The following TMEM132D variants were observed in gnomAD, a reference collection of about 807,000 sequenced individuals.
The protein encoded by TMEM132D is mature OL transmembrane protein.
TMEM132D carries 21 observed loss-of-function variants against 62.3 expected under a neutral mutation model. That is an observed-to-expected ratio of 0.34 (90% CI 0.24 to 0.49). The LOEUF (loss-of-function observed/expected upper bound fraction) is 0.49, where lower values mean the gene tolerates loss of function less well. Among genes scored for constraint, TMEM132D ranks in the 20% least tolerant of loss-of-function variants. The pLI is 0.99. For missense variants in TMEM132D, 1,346 were observed against 1,402.8 expected (o/e 0.96, Z 0.65); for synonymous variants, 621 against 575.6 (o/e 1.08, Z -1.13).
chr12:129,152,477 C>T (rs987995732), intron 5 of TMEM132D, among the ~76,000 whole-genome samples: 3 of 152,166 alleles, frequency 2.0e-5, no homozygotes, highest in African/African-American at 4.8e-5. Context: ...GCATAAAATG[C>T]TGCTCGAAAA....
chr12:129,554,658 G>A (rs1877001713), intron 2 of TMEM132D, among the ~76,000 whole-genome samples: 1 of 152,028 alleles, frequency 6.6e-6, no homozygotes, highest in African/African-American at 2.4e-5. Flanking sequence ...CTATAACATG[G>A]GACCACTTGT....
chr12:129,690,102 G>T (rs934378033), intron 2 of TMEM132D, among the ~76,000 whole-genome samples: 1 of 152,158 alleles, frequency 6.6e-6, no homozygotes, highest in Non-Finnish European at 1.5e-5. Flanking sequence ...GGAAAACTCA[G>T]TTGTAAGTTA....
intron 3 of TMEM132D, among the ~76,000 whole-genome samples, chr12:129,412,284 C>T (rs1189526454): frequency 6.6e-6 from 1 of 152,146 alleles, no homozygotes; most frequent in African/African-American, 2.4e-5. Flanking sequence ...ATTCAGGAAC[C>T]TTCTGTAGAA....
chr12:129,082,720 G>T (rs1008774168), intron 6 of TMEM132D, among the ~76,000 whole-genome samples: 17 of 152,150 alleles, frequency 1.1e-4, no homozygotes, highest in African/African-American at 3.9e-4. Context: ...GAAACTGTTT[G>T]ATAATACGTG....
At chr12:129,614,258 C>T (rs1878857741) in intron 2 of TMEM132D, among the ~76,000 whole-genome samples, 1 of 152,224 alleles carries the variant, frequency 6.6e-6, no homozygotes, top group South Asian at 2.1e-4. Flanking sequence ...AGTAAAGTGG[C>T]TTAACCAAAG....
At chr12:129,484,507 T>C (rs1337665012) in intron 3 of TMEM132D, among the ~76,000 whole-genome samples, 8 of 152,210 alleles carry the variant, frequency 5.3e-5, no homozygotes, top group Admixed American at 3.3e-4. Context: ...TCTAGCATAT[T>C]TGGAGAAAAG....
At chr12:129,232,529 A>T (rs1229695881) in intron 4 of TMEM132D, among the ~76,000 whole-genome samples, 1 of 152,158 alleles carries the variant, frequency 6.6e-6, no homozygotes, top group African/African-American at 2.4e-5. Context: ...TGCCATCCAC[A>T]TGAGACAGGA....
intron 6 of TMEM132D, among the ~76,000 whole-genome samples, chr12:129,084,256 C>T (rs1158653629): frequency 6.6e-6 from 1 of 152,070 alleles, no homozygotes; most frequent in African/African-American, 2.4e-5. Context: ...TTTGCTGGAA[C>T]TAGTGGGAAG....
chr12:129,539,953 C>T (rs1197760571), intron 2 of TMEM132D, among the ~76,000 whole-genome samples: 2 of 152,134 alleles, frequency 1.3e-5, no homozygotes, highest in Admixed American at 6.6e-5. Flanking sequence ...GTGAGCCAAG[C>T]GTGGTGTCAA....
At position 129,273,435 on chromosome 12, in the gene TMEM132D, CAA is replaced by C. The variant is rs36073067; in HGVS notation, c.1300-63774_1300-63773del. Among the ~76,000 whole-genome samples the C allele has an allele frequency of 3.1e-3, 348 of 113,748 alleles. 3 individuals are homozygous for C. The highest frequency in any genetic ancestry group is 9.5e-3 in the East Asian group (35 of 3,684). The allele number at this position is 113,748 out of a possible 152,430, so 74.6% of individuals were successfully genotyped here. A position where few individuals can be genotyped will look rare whatever the true frequency, so the allele number is the denominator to read the frequency against. Reference sequence around the variant, plus strand: ...CCCAAAGGAAAATAAATCAGCCTGTCAAAAAAAAAAAAAAAAAAAGCACATGA... The same window carrying C: ...CCCAAAGGAAAATAAATCAGCCTGTCAAAAAAAAAAAAAAAAAGCACATGA... On this transcript the variant is annotated intron_variant, in intron 4 of 8. Transcript: ENST00000422113.
At chr12:129,470,023 C>T (rs899426113) in intron 3 of TMEM132D, among the ~76,000 whole-genome samples, 10 of 152,060 alleles carry the variant, frequency 6.6e-5, no homozygotes, top group Non-Finnish European at 1.3e-4. Context: ...TATGGCTGCC[C>T]GGCCTGTGTA....
intron 3 of TMEM132D, among the ~76,000 whole-genome samples, chr12:129,389,031 C>T (rs1244169876): frequency 4.7e-5 from 5 of 106,504 alleles, no homozygotes; most frequent in Admixed American, 1.8e-4. Context: ...CAATCCAGCA[C>T]GATAATAATA....
At chr12:129,753,492 C>T (rs576006145) in intron 1 of TMEM132D, among the ~76,000 whole-genome samples, 2 of 152,274 alleles carry the variant, frequency 1.3e-5, no homozygotes, top group South Asian at 2.1e-4. Context: ...CCAGGAAAAA[C>T]GCTGCAGCCC....
chr12:129,240,803 T>C (rs1320375634), intron 4 of TMEM132D, among the ~76,000 whole-genome samples: 1 of 152,090 alleles, frequency 6.6e-6, no homozygotes, highest in Admixed American at 6.5e-5. Flanking sequence ...AGAAACTTGG[T>C]CCGCTTCAGG....
At chr12:129,102,150 T>G (rs1164917829) in intron 5 of TMEM132D, among the ~76,000 whole-genome samples, 2 of 152,204 alleles carry the variant, frequency 1.3e-5, no homozygotes, top group African/African-American at 4.8e-5. Flanking sequence ...TGTTGGTACC[T>G]TTCTAATCCC....
intron 1 of TMEM132D, among the ~76,000 whole-genome samples, chr12:129,801,082 T>A (rs1871761556): frequency 6.6e-6 from 1 of 152,192 alleles, no homozygotes; most frequent in African/African-American, 2.4e-5. Context: ...AGAGTCTCCC[T>A]GATGGCTAGC....
chr12:129,458,457 C>T (rs1873550608), intron 3 of TMEM132D, among the ~76,000 whole-genome samples: 1 of 149,034 alleles, frequency 6.7e-6, no homozygotes. Context: ...TACCATAAGA[C>T]ACAAGCTAAA....
chr12:129,728,271 A>G (rs968293940), intron 1 of TMEM132D, among the ~76,000 whole-genome samples: 34 of 152,328 alleles, frequency 2.2e-4, no homozygotes, highest in Admixed American at 2.1e-3. Flanking sequence ...GACAGAAATA[A>G]AATAAACTGT....
intron 1 of TMEM132D, among the ~76,000 whole-genome samples, chr12:129,726,794 CAGA>C (rs1399033239): frequency 6.6e-6 from 1 of 152,106 alleles, no homozygotes; most frequent in African/African-American, 2.4e-5. Flanking sequence ...AGCAAGTTCA[CAGA>C]AGCAGGTCTG....
Sources: allele counts gnomAD v4.1 joint callset (sites outside exome capture counted in the v4.1 genomes callset), GRCh38; gene constraint gnomAD v4.1.1; transcripts MANE v1.5; gene names NCBI Gene and HGNC (gene_info 2026-07-23, HGNC 2026-07-21).